The following TAFA2 variants were observed in gnomAD, a reference collection of about 807,000 sequenced individuals.
TAFA2 encodes the protein chemokine-like protein TAFA-2.
In TAFA2, 7 loss-of-function variants were observed where a neutral mutation model predicts 18.8. The observed-to-expected ratio is 0.37, with a 90% CI of 0.21 to 0.70. TAFA2 has a LOEUF of 0.70. Ranked by LOEUF, TAFA2 falls within the 30% of genes least tolerant of loss-of-function variation. The pLI, the probability that TAFA2 is intolerant of heterozygous loss-of-function variation, is 0.53. For missense variants in TAFA2, 122 were observed against 158.1 expected, an observed-to-expected ratio of 0.77 and a Z score of 1.23; for synonymous variants, 60 against 54.2, an observed-to-expected ratio of 1.11 and a Z score of -0.47.
At chr12:61,860,156 G>A (rs1874068487) in intron 2 of TAFA2, among the ~76,000 whole-genome samples, 1 of 152,140 alleles carries the variant, frequency 6.6e-6, no homozygotes. Context: ...TAAACCAGAT[G>A]AAAAGATGTC....
intron 1 of TAFA2, among the ~76,000 whole-genome samples, chr12:62,148,384 T>G (rs909234307): frequency 7.9e-5 from 12 of 152,014 alleles, no homozygotes; most frequent in African/African-American, 2.9e-4. Flanking sequence ...TAAAACCAAG[T>G]TTTTTGCAGC....
chr12:61,972,651 GAAC>G (rs1156765689), intron 1 of TAFA2, among the ~76,000 whole-genome samples: 4 of 151,654 alleles, frequency 2.6e-5, no homozygotes, highest in East Asian at 1.9e-4. Flanking sequence ...ACTGGAAAGA[GAAC>G]AACAAGTACC....
intron 1 of TAFA2, among the ~76,000 whole-genome samples, chr12:62,233,961 T>C (rs2062823982): frequency 1.3e-5 from 2 of 152,180 alleles, no homozygotes; most frequent in Admixed American, 6.5e-5. Context: ...CCAGATAAGC[T>C]TGAGCCTGTA....
chr12:62,055,737 C>T (rs1042297620), intron 1 of TAFA2, among the ~76,000 whole-genome samples: 5 of 152,166 alleles, frequency 3.3e-5, no homozygotes, highest in African/African-American at 1.2e-4. Context: ...TGGCTCACAA[C>T]TTGCAATTTT....
In TAFA2 at chr12:61,880,549, G is replaced by A. The variant is rs554117943; in HGVS notation, c.-1-13123C>T. The A allele has an allele frequency of 1.8e-3, 890 of 493,328 alleles. 14 individuals are homozygous for A. The highest frequency in any genetic ancestry group is 0.012 in the South Asian group (796 of 65,662). 30.6% of individuals were successfully genotyped at this position (493,328 alleles called of 1,614,324 possible). A position where few individuals can be genotyped will look rare whatever the true frequency, so the allele number is the denominator to read the frequency against. On this transcript the variant is annotated intron_variant, in intron 1 of 4. Coordinates refer to ENST00000416284, the MANE Select transcript of TAFA2 (RefSeq NM_178539.5). ...GGCAAGAGTCTAGGATGCAGAACATGAGTATCTACTCAAAGACCACCAGTG... is the reference window on the plus strand; with the variant it reads ...GGCAAGAGTCTAGGATGCAGAACATAAGTATCTACTCAAAGACCACCAGTG...
intron 1 of TAFA2, among the ~76,000 whole-genome samples, chr12:62,177,490 C>T (rs1318098471): frequency 6.6e-6 from 1 of 152,204 alleles, no homozygotes; most frequent in African/African-American, 2.4e-5. Context: ...GGTGTTAAGA[C>T]ATTTCCTGGG....
At chr12:62,122,935 C>A (rs111758953) in intron 1 of TAFA2, among the ~76,000 whole-genome samples, 2 of 152,146 alleles carry the variant, frequency 1.3e-5, no homozygotes, top group African/African-American at 4.8e-5. Context: ...CCATGGAGAA[C>A]CCTCTTCTCT....
rs1869270602 is a variant in TAFA2, at chr12:61,709,061, T to C, written c.*1345A>G. The C allele has an allele frequency of 6.6e-6, 1 of 152,530 alleles. No individual in the cohort carries two copies. The highest frequency in any genetic ancestry group is 1.5e-5 in the Non-Finnish European group (1 of 67,996). 9.4% of individuals were successfully genotyped at this position (152,530 alleles called of 1,614,324 possible). A position where few individuals can be genotyped will look rare whatever the true frequency, so the allele number is the denominator to read the frequency against. ...CTTGCATTCCTTCAAACTATAGGTT[T>C]ACACAATATTGTTACAGAATGGCTA... On this transcript the variant is annotated 3_prime_UTR_variant, in exon 5 of 5. Coordinates refer to ENST00000416284, the MANE Select transcript of TAFA2 (RefSeq NM_178539.5).
chr12:61,998,503 A>C (rs1022286660), intron 1 of TAFA2, among the ~76,000 whole-genome samples: 5 of 152,200 alleles, frequency 3.3e-5, no homozygotes, highest in African/African-American at 4.8e-5. Context: ...ATTAAAGGCC[A>C]ACATTTCTAA....
intron 1 of TAFA2, among the ~76,000 whole-genome samples, chr12:61,979,775 C>T (rs1306631728): frequency 6.6e-6 from 1 of 152,058 alleles, no homozygotes; most frequent in Non-Finnish European, 1.5e-5. Context: ...ACCCCCTCCC[C>T]AGTGGCAGAT....
At chr12:62,069,233 T>C (rs1882566226) in intron 1 of TAFA2, among the ~76,000 whole-genome samples, 2 of 152,146 alleles carry the variant, frequency 1.3e-5, no homozygotes, top group Admixed American at 1.3e-4. Context: ...TCTGTGACCC[T>C]AACAGCAAAT....
chr12:61,990,109 A>G (rs1375077514), intron 1 of TAFA2, among the ~76,000 whole-genome samples: 1 of 152,180 alleles, frequency 6.6e-6, no homozygotes, highest in Non-Finnish European at 1.5e-5. Flanking sequence ...CACTTTGATT[A>G]TACTTTAACT....
intron 1 of TAFA2, among the ~76,000 whole-genome samples, chr12:62,007,048 T>A (rs1880575247): frequency 6.6e-6 from 1 of 152,216 alleles, no homozygotes; most frequent in Non-Finnish European, 1.5e-5. Flanking sequence ...GGAAGGGTGA[T>A]GAAGATGCGT....
At chr12:61,856,534 A>G (rs896330900) in intron 2 of TAFA2, among the ~76,000 whole-genome samples, 2 of 152,068 alleles carry the variant, frequency 1.3e-5, no homozygotes, top group Non-Finnish European at 2.9e-5. Flanking sequence ...GCTAATGAGA[A>G]CATAAATTGA....
chr12:62,253,252 T>C lies in TAFA2; in HGVS notation c.-130+5511A>G, dbSNP rs182996571. On this transcript the variant is annotated intron_variant, in intron 1 of 5. Transcript: ENST00000551619. ...TCAGTACCTCTTTTGTGATATATCC[T>C]TTATGGTTGGTGTTCACTTGTAATG... 1.1e-4 allele frequency: 16 copies of C among 152,342 alleles called. No individual in the cohort carries two copies. The East Asian group carries it at 2.1e-3, about 20-fold the overall frequency. The allele number at this position is 152,342 out of a possible 1,614,324, so 9.4% of individuals were successfully genotyped here. A position where few individuals can be genotyped will look rare whatever the true frequency, so the allele number is the denominator to read the frequency against.
intron 4 of TAFA2, among the ~76,000 whole-genome samples, chr12:61,724,607 G>T (rs1418901174): frequency 6.6e-6 from 1 of 152,016 alleles, no homozygotes; most frequent in African/African-American, 2.4e-5. Context: ...GCACAGCTTA[G>T]CTTTCACTTA....
At chr12:62,038,391 C>A (rs1881667753) in intron 1 of TAFA2, among the ~76,000 whole-genome samples, 1 of 152,058 alleles carries the variant, frequency 6.6e-6, no homozygotes, top group African/African-American at 2.4e-5. Flanking sequence ...ACAAACTCGA[C>A]CAACTGCAGA....
chr12:62,058,870 A>G (rs563155375), intron 1 of TAFA2, among the ~76,000 whole-genome samples: 4 of 152,234 alleles, frequency 2.6e-5, no homozygotes, highest in Admixed American at 2.0e-4. Context: ...TTGGGAGGCC[A>G]AGGAGGGCGG....
chr12:61,866,027 T>C (rs1874339665), intron 2 of TAFA2, among the ~76,000 whole-genome samples: 1 of 152,178 alleles, frequency 6.6e-6, no homozygotes, highest in South Asian at 2.1e-4. Flanking sequence ...ACAGGGAATG[T>C]CCTCCTCATC....
Sources: gnomAD v4.1 joint callset for allele counts (sites outside exome capture counted in the v4.1 genomes callset) on GRCh38, gnomAD v4.1.1 for gene constraint, MANE v1.5 for transcripts, NCBI Gene and HGNC (gene_info 2026-07-23, HGNC 2026-07-21) for gene names.